The following P3H4 variants were observed in gnomAD, a reference collection of about 807,000 sequenced individuals.
P3H4 encodes prolyl 3-hydroxylase family member 4 (inactive).
P3H4 carries 47 observed loss-of-function variants against 52.9 expected under a neutral mutation model. That is an observed-to-expected ratio of 0.89 (90% CI 0.70 to 1.13). P3H4 has a LOEUF of 1.13. Ranked by LOEUF, P3H4 falls within the 50% of genes most tolerant of loss-of-function variation. P3H4 has a pLI of 0.00. For missense variants in P3H4, 585 were observed against 611.0 expected (o/e 0.96, Z 0.45); for synonymous variants, 256 against 267.9 (o/e 0.96, Z 0.44).
chr17:41,810,587 C>A, intron 3 of P3H4: 1 of 441,428 alleles, frequency 2.3e-6, no homozygotes. Context: ...TACTTCTCAC[C>A]GCTGCACCTT....
chr17:41,809,688 C>A lies in P3H4; in HGVS notation c.916+18G>T, dbSNP rs145411315. 6.2e-7 allele frequency: 1 copy of A among 1,610,076 alleles called. No individual in the cohort carries two copies. The highest frequency in any genetic ancestry group is 1.3e-5 in the African/African-American group (1 of 74,952). ...TCACCTCGTCCCCTGCCCAAGCCAG[C>A]CCACCCAGGGGGCTCACACTTATAG... On this transcript the variant is annotated intron_variant, in intron 4 of 7. Transcript: ENST00000393928.
rs968011184 is a variant in P3H4 at position 41,802,740 on chromosome 17, G to C, written c.*217C>G. On this transcript the variant is annotated 3_prime_UTR_variant, in exon 8 of 8. Transcript: ENST00000393928. The stretch of plus-strand genomic sequence containing the variant: ...CTAATTTATGTATTTTAGTAGAGAC[G>C]GAGGTCTCATCATGTTGGCCAGGCT... 1.2e-5 allele frequency: 6 copies of C among 509,846 alleles called. No homozygotes were observed. The highest frequency in any genetic ancestry group is 2.0e-5 in the Non-Finnish European group (6 of 293,026). The allele number at this position is 509,846 out of a possible 1,614,324, so 31.6% of individuals were successfully genotyped here. A position where few individuals can be genotyped will look rare whatever the true frequency, so the allele number is the denominator to read the frequency against.
rs147712891 is a variant in P3H4, at chr17:41,805,007, C to T, written c.1147-1576G>A. On this transcript the variant is annotated intron_variant, in intron 6 of 7. Transcript: ENST00000393928. ...AAAAAGAAAAATGCATACTTGAGGC[C>T]GGGTGTGGTGGCTCACACCTGTAAT... Among the ~76,000 whole-genome samples, 1,294 of 150,846 alleles carry T rather than the reference C, an allele frequency of 8.6e-3. 7 individuals carry two copies. The highest frequency in any genetic ancestry group is 0.013 in the Non-Finnish European group (871 of 67,806).
chr17:41,809,373 GC>G (rs2047705535), intron 4 of P3H4, among the ~76,000 whole-genome samples: 1 of 152,162 alleles, frequency 6.6e-6, no homozygotes, highest in African/African-American at 2.4e-5. Context: ...CCGAGATCGT[GC>G]CCCTGCACTC....
At chr17:41,807,491 T>G in intron 5 of P3H4, 1 of 155,022 alleles carries the variant, frequency 6.5e-6, no homozygotes, top group Non-Finnish European at 1.4e-5. Flanking sequence ...TTATTTTTTA[T>G]TATTTATTTA....
intron 4 of P3H4, among the ~76,000 whole-genome samples, chr17:41,809,034 A>G (rs1426144114): frequency 6.6e-6 from 1 of 152,166 alleles, no homozygotes; most frequent in Non-Finnish European, 1.5e-5. Flanking sequence ...CCCTTGCCCT[A>G]TAAGCCTCAG....
Position 41,811,360 on chromosome 17 carries a change from G to C in P3H4, c.463-76C>G. ...CGGCCCCGAGCGCACGGCGGGCTTC[G>C]TGCCTTGGGTGAAGATAACGCTCCT... On this transcript the variant is annotated intron_variant, in intron 1 of 7. Coordinates refer to ENST00000393928, the MANE Select transcript of P3H4 (RefSeq NM_006455.3). This position sits in a 1 kb window ranked among gnomAD's most constrained non-coding sequence, Gnocchi z 4.8. The C allele has an allele frequency of 6.2e-7, 1 of 1,605,736 alleles. No individual in the cohort carries two copies. The highest frequency in any genetic ancestry group is 1.1e-5 in the South Asian group (1 of 90,816).
Position 41,810,962 on chromosome 17 carries a change from C to A in P3H4, c.688G>T (p.Ala230Ser). 1 of 1,614,198 alleles carries A rather than the reference C, an allele frequency of 6.2e-7. No homozygotes were observed. ...FRSSTEDMERALSEYLAVFAR... is the reference protein window; with the variant it reads ...FRSSTEDMERSLSEYLAVFAR... ...AAGACTGCCAGGTACTCTGACAAGG[C>A]CCGCTCCATGTCCTCCGTGCTGCTG... Residue 230 changes from alanine (A) to serine (S), a missense_variant, in exon 3 of 8, where the codon GCC becomes TCC. Ala to Ser is a moderately conservative substitution (Grantham distance 99). Coordinates refer to ENST00000393928, the MANE Select transcript of P3H4 (RefSeq NM_006455.3).
rs1435277953 is a variant in P3H4, at chr17:41,811,689, CAGA to C, written c.224_226del (p.Phe75del). The C allele has an allele frequency of 2.1e-6, 3 of 1,452,962 alleles. No individual in the cohort carries two copies. The highest frequency in any genetic ancestry group is 5.9e-5 in the East Asian group (2 of 33,996). The allele number at this position is 1,452,962 out of a possible 1,614,324, so 90.0% of individuals were successfully genotyped here. On this transcript the variant is annotated inframe_deletion, in exon 1 of 8. Transcript: ENST00000393928. The surrounding 1 kb of genome is among the most constrained non-coding windows in gnomAD (Gnocchi z 4.8). ...CGCGGGGCCGCTGCAGTTGGCGTGG[CAGA>C]AGGCCTCGCTGTCGCGCAGGAGCCG... is the stretch of plus-strand genomic sequence containing the variant.
intron 6 of P3H4, among the ~76,000 whole-genome samples, chr17:41,805,045 G>A (rs1367571709): frequency 1.3e-5 from 2 of 151,964 alleles, no homozygotes; most frequent in Non-Finnish European, 2.9e-5. Flanking sequence ...CAGCACTCTG[G>A]GAGGCCGAGG....
chr17:41,809,712 A>G lies in P3H4; in HGVS notation c.910T>C (p.Tyr304His), dbSNP rs2047709462. The G allele has an allele frequency of 6.2e-7, 1 of 1,613,148 alleles. No individual in the cohort carries two copies. The highest frequency in any genetic ancestry group is 8.5e-7 in the Non-Finnish European group (1 of 1,179,828). Residue 304 changes from tyrosine (Y) to histidine (H), a missense_variant, in exon 4 of 8, where the codon TAT becomes CAT. By Grantham distance (83) the Tyr-to-His change is moderately conservative (BLOSUM62 2). Transcript: ENST00000393928. Reference protein sequence around the residue: ...TMYHYLQFAYYKLNDVRQAAR... With the variant: ...TMYHYLQFAYHKLNDVRQAAR... ...GCCCACCCAGGGGGCTCACACTTAT[A>G]GTAGGCAAACTGCAGGTAGTGGTAC...
In P3H4 at chr17:41,811,428, G is replaced by T. The variant is rs2047735574; in HGVS notation, c.462+26C>A. The T allele has an allele frequency of 1.9e-6, 3 of 1,610,688 alleles. No homozygotes were observed. Among genetic ancestry groups the T allele is most frequent in the Non-Finnish European group, 2.5e-6 (3 of 1,178,536 alleles). On this transcript the variant is annotated intron_variant, in intron 1 of 7. Coordinates refer to ENST00000393928, the MANE Select transcript of P3H4 (RefSeq NM_006455.3). This position sits in a 1 kb window ranked among gnomAD's most constrained non-coding sequence, Gnocchi z 4.8. ...AGCCACGACGCCCAGCCCGAGACAG[G>T]TCCCCGGGTGGGGGCGGGCTCCCAC...
chr17:41,809,105 C>T (rs1397258600), intron 4 of P3H4, among the ~76,000 whole-genome samples: 1 of 152,214 alleles, frequency 6.6e-6, no homozygotes, highest in African/African-American at 2.4e-5. Flanking sequence ...GAAAGGACCA[C>T]ATAAGATAAA....
intron 6 of P3H4, 76 bp from the exon 7 acceptor site, chr17:41,803,507 A>G (rs1408144234): frequency 1.8e-5 from 24 of 1,309,194 alleles, no homozygotes; most frequent in Non-Finnish European, 2.6e-5. Flanking sequence ...TTCCTGGCCA[A>G]TGGGACTTCC....
chr17:41,809,980 A>T, intron 3 of P3H4, 146 bp from the exon 4 acceptor site: 1 of 936,688 alleles, frequency 1.1e-6, no homozygotes, highest in East Asian at 2.6e-5. Flanking sequence ...ACAGGAGAGA[A>T]TGTCTGTAAA....
Position 41,806,269 on chromosome 17 carries a change from G to A in P3H4, c.1146+527C>T, listed in dbSNP as rs369942037. 1.2e-4 allele frequency among the ~76,000 whole-genome samples: 18 copies of A among 152,134 alleles called. 1 individual carries two copies. In the East Asian group the frequency reaches 3.3e-3, roughly 28 times the overall value. ...AAAATAAATCAATGTAATACAATAC[G>A]GTCCTTCTGTCCTGAGGTCCTGCAT... On this transcript the variant is annotated intron_variant, in intron 6 of 7. Transcript: ENST00000393928.
At chr17:41,803,151 C>A in intron 7 of P3H4, 136 bp downstream of exon 7, 1 of 1,450,192 alleles carries the variant, frequency 6.9e-7, no homozygotes, top group Non-Finnish European at 9.3e-7. Flanking sequence ...GGGTTGCCAA[C>A]AGGCTGGAGG....
At chr17:41,805,655 T>C (rs2047666687) in intron 6 of P3H4, among the ~76,000 whole-genome samples, 1 of 152,090 alleles carries the variant, frequency 6.6e-6, no homozygotes, top group South Asian at 2.1e-4. Context: ...CACAACAATG[T>C]GAGATGGGCA....
intron 6 of P3H4, 45 bp downstream of exon 6, chr17:41,806,751 G>T: frequency 2.6e-6 from 4 of 1,532,492 alleles, no homozygotes; most frequent in African/African-American, 2.7e-5. Flanking sequence ...AAAGGTCCAA[G>T]GTGTCCCCAT....
Sources: gnomAD v4.1 joint callset for allele counts (sites outside exome capture counted in the v4.1 genomes callset) on GRCh38, gnomAD v4.1.1 for gene constraint, Gnocchi (gnomAD v3.1) non-coding constraint, MANE v1.5 for transcripts, NCBI Gene and HGNC (gene_info 2026-07-23, HGNC 2026-07-21) for gene names.